Variants in DIAPH2 observed in about 807,000 individuals in gnomAD.
The protein encoded by DIAPH2 is diaphanous related formin 2.
In DIAPH2, 35 loss-of-function variants were observed where a neutral mutation model predicts 92.7. The observed-to-expected ratio is 0.38, with a 90% CI of 0.29 to 0.50. DIAPH2 has a LOEUF of 0.50. DIAPH2 is among the 20% of genes least tolerant of loss of function. The probability of loss-of-function intolerance (pLI) is 0.94; values close to 1 mark genes in which losing one functional copy is unlikely to be tolerated. For missense variants in DIAPH2, 701 were observed against 819.5 expected, an observed-to-expected ratio of 0.86 and a Z score of 1.77; for synonymous variants, 301 against 280.4, an observed-to-expected ratio of 1.07 and a Z score of -0.73.
intron 17 of DIAPH2, among the ~76,000 whole-genome samples, chrX:97,041,930 A>T (rs747212516): frequency 2.7e-4 from 30 of 111,216 alleles, no homozygotes; most frequent in Admixed American, 2.3e-3. Context: ...TCTGCCAACT[A>T]TTACTCTTGC....
In DIAPH2 at chrX:96,752,931, G is replaced by A. The variant is rs968945354; in HGVS notation, c.343-5223G>A. 9.8e-5 allele frequency among the ~76,000 whole-genome samples: 11 copies of A among 111,691 alleles called. No individual in the cohort carries two copies. In the Admixed American group the frequency reaches 1.0e-3, roughly 11 times the overall value. The stretch of plus-strand genomic sequence containing the variant: ...CCAGTCTTGACAACATTCCTCTGAG[G>A]TGTATAATCTTACATTGCTCTTATT... On this transcript the variant is annotated intron_variant, in intron 3 of 26. Coordinates refer to ENST00000324765, the MANE Select transcript of DIAPH2 (RefSeq NM_006729.5).
intron 22 of DIAPH2, among the ~76,000 whole-genome samples, chrX:97,195,880 A>G (rs2067699391): frequency 9.1e-6 from 1 of 110,329 alleles, no homozygotes; most frequent in South Asian, 3.9e-4. Context: ...TTGTTCATAG[A>G]GCAGAAAAGC....
At chrX:96,830,628 G>T (rs2064848232) in intron 4 of DIAPH2, among the ~76,000 whole-genome samples, 1 of 103,463 alleles carries the variant, frequency 9.7e-6, no homozygotes, top group Non-Finnish European at 2.0e-5. Context: ...TTAAAAAAGT[G>T]GCAGAGCCCC....
At chrX:97,538,077 G>T (rs1227845687) in intron 26 of DIAPH2, among the ~76,000 whole-genome samples, 3 of 109,182 alleles carry the variant, frequency 2.7e-5, no homozygotes, top group African/African-American at 1.0e-4. Context: ...GTAGAGACGG[G>T]GTTTCACCAT....
chrX:97,055,026 T>C (rs1602309248), intron 17 of DIAPH2, among the ~76,000 whole-genome samples: 1 of 110,314 alleles, frequency 9.1e-6, no homozygotes, highest in Non-Finnish European at 1.9e-5. Context: ...TATTTATTTA[T>C]TTATTTATTT....
Position 96,926,135 on chromosome X carries a change from A to G in DIAPH2, c.979-4598A>G, listed in dbSNP as rs141173260. 5.7e-4 allele frequency among the ~76,000 whole-genome samples: 64 copies of G among 111,406 alleles called. 1 individual carries two copies. The highest frequency in any genetic ancestry group is 1.9e-3 in the African/African-American group (58 of 30,763). On this transcript the variant is annotated intron_variant, in intron 9 of 26. Coordinates refer to ENST00000324765, the MANE Select transcript of DIAPH2 (RefSeq NM_006729.5). ...GTCTGAGAATGCCCTGGAGTTGTCA[A>G]TTATTGTACCCCATAGCTCTGTGAA...
chrX:97,600,358 C>CCACT lies in DIAPH2; in HGVS notation c.*1043_*1046dup, dbSNP rs1438092681. The CCACT allele has an allele frequency of 8.9e-6, 1 of 112,308 alleles. No homozygotes were observed. The highest frequency in any genetic ancestry group is 3.2e-5 in the African/African-American group (1 of 30,846). The allele number at this position is 112,308 out of a possible 1,213,427, so 9.3% of individuals were successfully genotyped here. On this transcript the variant is annotated 3_prime_UTR_variant, in exon 27 of 27. Coordinates refer to ENST00000324765, the MANE Select transcript of DIAPH2 (RefSeq NM_006729.5). The stretch of plus-strand genomic sequence containing the variant: ...AAGGTCAATTGTTTTATCTCCCTTT[C>CCACT]CACTCTCTTTCCAATTTCACTTTGG...
chrX:96,950,964 G>A (rs5920978), intron 15 of DIAPH2, among the ~76,000 whole-genome samples: 24 of 110,405 alleles, frequency 2.2e-4, no homozygotes, highest in Non-Finnish European at 4.0e-4. Context: ...TACAGAAATG[G>A]CAATAGGTTG....
intron 4 of DIAPH2, among the ~76,000 whole-genome samples, chrX:96,847,733 G>T (rs1278236465): frequency 9.0e-6 from 1 of 110,763 alleles, no homozygotes; most frequent in Non-Finnish European, 1.9e-5. Context: ...TGCCACCCAG[G>T]TAATAAGCAG....
chrX:97,249,024 G>T (rs2068164954), intron 23 of DIAPH2, among the ~76,000 whole-genome samples: 2 of 110,059 alleles, frequency 1.8e-5, no homozygotes, highest in African/African-American at 6.6e-5. Context: ...GGCCACGTTA[G>T]GATACCTAAT....
chrX:96,982,482 T>C (rs747945537), intron 17 of DIAPH2, among the ~76,000 whole-genome samples: 2 of 112,374 alleles, frequency 1.8e-5, no homozygotes, highest in Admixed American at 1.9e-4. Flanking sequence ...ATGTAATTGC[T>C]TTTAATAGTA....
intron 19 of DIAPH2, among the ~76,000 whole-genome samples, chrX:97,091,620 A>AT (rs764296590): frequency 9.1e-6 from 1 of 110,158 alleles, no homozygotes; most frequent in South Asian, 3.9e-4. Context: ...TTCTCTAATT[A>AT]TTTTTTTTCA....
At chrX:97,232,859 T>C (rs918233249) in intron 22 of DIAPH2, among the ~76,000 whole-genome samples, 9 of 112,326 alleles carry the variant, frequency 8.0e-5, no homozygotes, top group African/African-American at 2.9e-4. Context: ...CTCAAATCCC[T>C]GAGTCTAGCT....
intron 26 of DIAPH2, among the ~76,000 whole-genome samples, chrX:97,500,331 T>A (rs2070786543): frequency 9.0e-6 from 1 of 111,453 alleles, no homozygotes; most frequent in African/African-American, 3.3e-5. Flanking sequence ...TGGTCTCAGC[T>A]TAGACTCAAG....
chrX:97,184,971 G>T (rs184488660), intron 22 of DIAPH2, among the ~76,000 whole-genome samples: 269 of 108,532 alleles, frequency 2.5e-3, no homozygotes, highest in African/African-American at 8.8e-3. Flanking sequence ...GGCTCCTGCT[G>T]CATTGAAAAT....
At chrX:97,465,295 G>A (rs933469831) in intron 26 of DIAPH2, among the ~76,000 whole-genome samples, 4 of 104,709 alleles carry the variant, frequency 3.8e-5, no homozygotes, top group Non-Finnish European at 3.8e-5. Context: ...ACACACACAC[G>A]TTTATGCGTT....
At chrX:96,723,916 ATTTTTTT>A (rs149595440) in intron 1 of DIAPH2, among the ~76,000 whole-genome samples, 23,122 of 70,803 alleles carry the variant, frequency 0.33, 3,257 homozygotes, top group South Asian at 0.48. Context: ...TGATTCTATA[ATTTTTTT>A]TTTTTTTTTT....
Position 97,308,509 on chromosome X carries a change from C to T in DIAPH2, c.2845-39607C>T, listed in dbSNP as rs368108827. The stretch of plus-strand genomic sequence containing the variant: ...AAAAAGCCTCTGCTAAGGCCAGGCG[C>T]GGTGGCTCACGTCTGTAATCCCAGC... On this transcript the variant is annotated intron_variant, in intron 23 of 26. Coordinates refer to ENST00000324765, the MANE Select transcript of DIAPH2 (RefSeq NM_006729.5). Among the ~76,000 whole-genome samples the T allele has an allele frequency of 9.2e-5, 10 of 109,263 alleles. 1 individual carries two copies. The highest frequency in any genetic ancestry group is 3.9e-4 in the Admixed American group (4 of 10,180). The allele number at this position is 109,263 out of a possible 115,157, so 94.9% of individuals were successfully genotyped here. A position where few individuals can be genotyped will look rare whatever the true frequency, so the allele number is the denominator to read the frequency against.
In DIAPH2 at chrX:96,834,609, A is replaced by G. The variant is rs187090231; in HGVS notation, c.448-46970A>G. ...ATACAAACTTGCAGATTCTTTATAT[A>G]TTTAATACAGATGGAAGTCCTTGTT... On this transcript the variant is annotated intron_variant, in intron 4 of 26. Transcript: ENST00000324765. Among the ~76,000 whole-genome samples, 9 of 111,944 alleles carry G rather than the reference A, an allele frequency of 8.0e-5. No homozygotes were observed. The East Asian group carries it at 2.5e-3, about 31-fold the overall frequency.
Sources: gnomAD v4.1 joint callset for allele counts (sites outside exome capture counted in the v4.1 genomes callset) on GRCh38, gnomAD v4.1.1 for gene constraint, MANE v1.5 for transcripts, NCBI Gene and HGNC (gene_info 2026-07-23, HGNC 2026-07-21) for gene names.